Variants in CALCRL observed in about 807,000 individuals in gnomAD.
The protein encoded by CALCRL is calcitonin receptor like receptor.
CALCRL carries 27 observed loss-of-function variants against 60.4 expected under a neutral mutation model. The observed-to-expected ratio is 0.45, with a 90% confidence interval of 0.33 to 0.62. The LOEUF (loss-of-function observed/expected upper bound fraction) is 0.62. Among genes scored for constraint, CALCRL ranks in the 20% least tolerant of loss-of-function variants. CALCRL has a pLI of 0.03. For missense variants in CALCRL, 424 were observed against 540.7 expected, an observed-to-expected ratio of 0.78 and a Z score of 2.14; for synonymous variants, 190 against 182.6, an observed-to-expected ratio of 1.04 and a Z score of -0.33.
rs1161704285 is a variant in CALCRL, at chr2:187,343,063, G to A, written c.*3121C>T. ...TTTTCTTCTTTCAGCATAAGAAGGA[G>A]TTTGCATCCATTGTAGTATAGTTGG... On this transcript the variant is annotated 3_prime_UTR_variant, in exon 15 of 15. Transcript: ENST00000392370. 6.6e-6 allele frequency: 1 copy of A among 151,434 alleles called. No individual in the cohort carries two copies. Among genetic ancestry groups the A allele is most frequent in the Admixed American group, 6.6e-5 (1 of 15,172 alleles). The allele number at this position is 151,434 out of a possible 1,614,324, so 9.4% of individuals were successfully genotyped here. A position where few individuals can be genotyped will look rare whatever the true frequency, so the allele number is the denominator to read the frequency against.
chr2:187,387,704 T>C lies in CALCRL; in HGVS notation c.-240A>G. 1 of 397,152 alleles carries C rather than the reference T, an allele frequency of 2.5e-6. No individual in the cohort carries two copies. Among genetic ancestry groups the C allele is most frequent in the Non-Finnish European group, 4.4e-6 (1 of 225,188 alleles). The allele number at this position is 397,152 out of a possible 1,614,324, so 24.6% of individuals were successfully genotyped here. On this transcript the variant is annotated 5_prime_UTR_variant, in exon 2 of 15. Transcript: ENST00000392370. ...TCCAGTCTCAAATCACATTTTCTCT[T>C]GGATCATATTTGACATTGTCTTTAA...
intron 7 of CALCRL, 68 bp from the exon 8 acceptor site, chr2:187,379,099 G>T: frequency 1.3e-6 from 1 of 753,080 alleles, no homozygotes; most frequent in Non-Finnish European, 2.3e-6. Context: ...TCCCACACAT[G>T]CAGAAGTTCA....
intron 12 of CALCRL, among the ~76,000 whole-genome samples, chr2:187,352,585 T>C (rs766528212): frequency 1.3e-5 from 2 of 151,844 alleles, no homozygotes; most frequent in African/African-American, 4.8e-5. Flanking sequence ...GTGGAACATA[T>C]TCAGTTGAAG....
chr2:187,395,547 A>T (rs1035883051), intron 1 of CALCRL, among the ~76,000 whole-genome samples: 9 of 152,034 alleles, frequency 5.9e-5, no homozygotes, highest in African/African-American at 2.2e-4. Flanking sequence ...AATGAAGAAA[A>T]CTTCTTCTAG....
At chr2:187,385,467 A>C (rs1230362771) in intron 4 of CALCRL, 78 bp downstream of exon 4, 1 of 727,010 alleles carries the variant, frequency 1.4e-6, no homozygotes, top group African/African-American at 1.8e-5. Context: ...GTATCTAGTA[A>C]CTTCATTAAT....
intron 1 of CALCRL, among the ~76,000 whole-genome samples, chr2:187,444,505 A>G (rs1254073267): frequency 1.3e-5 from 2 of 151,546 alleles, no homozygotes; most frequent in African/African-American, 4.8e-5. Context: ...TAAATACACT[A>G]TTTGGGCCAT....
At chr2:187,356,415 C>T (rs1311248674) in intron 12 of CALCRL, among the ~76,000 whole-genome samples, 1 of 152,098 alleles carries the variant, frequency 6.6e-6, no homozygotes, top group East Asian at 1.9e-4. Context: ...AAAGGATTCC[C>T]TATAAAATAA....
Position 187,435,185 on chromosome 2 carries a change from C to T in CALCRL, c.-293+12854G>A, listed in dbSNP as rs1690578241. ...TTGAATTGGCTCACGGTTCTGCAGG[C>T]TGTATAAGCATGGCTCCAGCATCTG... On this transcript the variant is annotated intron_variant, in intron 1 of 14. Coordinates refer to ENST00000392370, the MANE Select transcript of CALCRL (RefSeq NM_005795.6). 5.3e-5 allele frequency among the ~76,000 whole-genome samples: 8 copies of T among 152,210 alleles called. No homozygotes were observed. In the South Asian group the frequency reaches 1.7e-3, roughly 32 times the overall value.
intron 1 of CALCRL, among the ~76,000 whole-genome samples, chr2:187,429,214 A>G (rs1386948670): frequency 2.6e-5 from 4 of 151,872 alleles, no homozygotes; most frequent in Non-Finnish European, 5.9e-5. Flanking sequence ...CCATCTGTCA[A>G]GTTTTGGTCA....
At chr2:187,438,222 T>A (rs1173961091) in intron 1 of CALCRL, among the ~76,000 whole-genome samples, 1 of 152,132 alleles carries the variant, frequency 6.6e-6, no homozygotes, top group East Asian at 1.9e-4. Flanking sequence ...TGTGTAAAGA[T>A]CCATAATGAG....
chr2:187,418,378 A>G (rs975709256), intron 1 of CALCRL, among the ~76,000 whole-genome samples: 6 of 152,208 alleles, frequency 3.9e-5, no homozygotes, highest in Non-Finnish European at 7.3e-5. Context: ...ACCTGTTTTT[A>G]CTGGATCTAT....
intron 1 of CALCRL, among the ~76,000 whole-genome samples, chr2:187,406,964 C>T (rs902414118): frequency 3.3e-5 from 5 of 151,938 alleles, no homozygotes; most frequent in African/African-American, 1.2e-4. Context: ...AACTATCATT[C>T]CCAAAAAACC....
intron 8 of CALCRL, among the ~76,000 whole-genome samples, chr2:187,375,066 A>T (rs1687694199): frequency 6.6e-6 from 1 of 151,834 alleles, no homozygotes; most frequent in Admixed American, 6.6e-5. Context: ...AGGTCAGGAG[A>T]TCGAGACCAT....
rs776472840 is a variant in CALCRL, at chr2:187,342,221, T to C, written c.*3963A>G. 6.6e-6 allele frequency among the ~76,000 whole-genome samples: 1 copy of C among 151,764 alleles called. No homozygotes were observed. The highest frequency in any genetic ancestry group is 1.5e-5 in the Non-Finnish European group (1 of 67,742). ...TGAGACAGAATGTAAATTAGTGATG[T>C]TTATAGCTGAAATGAAAGTAGAGAT... On this transcript the variant is annotated 3_prime_UTR_variant, in exon 15 of 15. Transcript: ENST00000392370.
intron 1 of CALCRL, among the ~76,000 whole-genome samples, chr2:187,388,662 T>A (rs987693796): frequency 5.9e-5 from 9 of 152,150 alleles, no homozygotes; most frequent in African/African-American, 2.2e-4. Context: ...TTTGTTAGAT[T>A]AATATAAAAA....
At chr2:187,437,545 A>AT (rs971500322) in intron 1 of CALCRL, among the ~76,000 whole-genome samples, 34 of 150,896 alleles carry the variant, frequency 2.3e-4, no homozygotes, top group African/African-American at 6.1e-4. Flanking sequence ...AGACAGCCCT[A>AT]TTTTTTTTTC....
In CALCRL at chr2:187,432,109, A is replaced by G. The variant is rs1033501250; in HGVS notation, c.-293+15930T>C. ...CAAAGAGCATTCAAGAACTGGGTCA[A>G]AGAGGGAACCAGAGGCCAAATCTTG... On this transcript the variant is annotated intron_variant, in intron 1 of 14. Transcript: ENST00000392370. Among the ~76,000 whole-genome samples, 7 of 152,156 alleles carry G rather than the reference A, an allele frequency of 4.6e-5. No homozygotes were observed. The South Asian group carries it at 1.4e-3, about 31-fold the overall frequency.
chr2:187,362,648 G>A (rs531254358), intron 9 of CALCRL, among the ~76,000 whole-genome samples: 6 of 151,854 alleles, frequency 4.0e-5, no homozygotes, highest in Non-Finnish European at 8.8e-5. Context: ...AAATTTGAAT[G>A]TATGTTTATG....
At chr2:187,404,130 T>C (rs1469260818) in intron 1 of CALCRL, among the ~76,000 whole-genome samples, 1 of 151,878 alleles carries the variant, frequency 6.6e-6, no homozygotes, top group East Asian at 1.9e-4. Context: ...TTTTCTGATT[T>C]GCACCCTTAA....
Sources: gnomAD v4.1 joint callset for allele counts (sites outside exome capture counted in the v4.1 genomes callset) on GRCh38, gnomAD v4.1.1 for gene constraint, MANE v1.5 for transcripts, NCBI Gene and HGNC (gene_info 2026-07-23, HGNC 2026-07-21) for gene names.